NAV2: variants seen among roughly 807,000 people sequenced by gnomAD.
NAV2 encodes the protein helicase, APC down-regulated 1.
Under a neutral mutation model 223.2 loss-of-function variants are expected in NAV2, and 54 were observed. The ratio of observed to expected loss-of-function variants is 0.24; its 90% confidence interval spans 0.19 to 0.30. The LOEUF (loss-of-function observed/expected upper bound fraction) is 0.30. Among genes scored for constraint, NAV2 ranks in the 10% least tolerant of loss-of-function variants. The pLI, the probability that NAV2 is intolerant of heterozygous loss-of-function variation, is 1.00. For synonymous variants in NAV2, 1,279 were observed against 1,239.3 expected, an observed-to-expected ratio of 1.03 and a Z score of -0.67; for missense variants, 2,806 against 3,147.5, an observed-to-expected ratio of 0.89 and a Z score of 2.60.
chr11:19,606,394 C>G (rs979334224), intron 1 of NAV2, among the ~76,000 whole-genome samples: 2 of 152,214 alleles, frequency 1.3e-5, no homozygotes, highest in Admixed American at 1.3e-4. Flanking sequence ...GAGGTGTCAG[C>G]TTGCCCCAGG....
intron 10 of NAV2, among the ~76,000 whole-genome samples, chr11:19,963,140 A>C (rs1405606128): frequency 6.6e-6 from 1 of 152,222 alleles, no homozygotes; most frequent in Non-Finnish European, 1.5e-5. Context: ...GTGGCACTGT[A>C]ATTCATAGTC....
Position 19,933,069 on chromosome 11 carries a change from G to C in NAV2, c.932-107G>C. ...CACAAAGTGGGCAATGGAGCTATAC[G>C]GCATTTGGGTTGGGAGTGATTGGTT... On this transcript the variant is annotated intron_variant, in intron 6 of 37. Transcript: ENST00000349880. This position sits in a 1 kb window ranked among gnomAD's most constrained non-coding sequence, Gnocchi z 4.3. 2.3e-6 allele frequency: 3 copies of C among 1,322,178 alleles called. No individual in the cohort carries two copies. Among genetic ancestry groups the C allele is most frequent in the Non-Finnish European group, 3.0e-6 (3 of 996,728 alleles). 81.9% of individuals were successfully genotyped at this position (1,322,178 alleles called of 1,614,324 possible).
At chr11:19,820,662 T>G (rs1044979002) in intron 1 of NAV2, among the ~76,000 whole-genome samples, 1 of 152,232 alleles carries the variant, frequency 6.6e-6, no homozygotes, top group African/African-American at 2.4e-5. Context: ...TTATTAGCTA[T>G]GTGATCCTGT....
intron 12 of NAV2, among the ~76,000 whole-genome samples, chr11:20,038,978 G>A (rs1007040059): frequency 2.6e-5 from 4 of 152,180 alleles, no homozygotes; most frequent in African/African-American, 9.7e-5. Context: ...CTATCACTGG[G>A]GACATTGAGG....
chr11:19,811,800 G>A (rs78980230), intron 1 of NAV2, among the ~76,000 whole-genome samples: 3,650 of 152,216 alleles, frequency 0.024, 151 homozygotes, highest in African/African-American at 0.083. Flanking sequence ...TTTTTATCTG[G>A]ATTCTAGGGG....
intron 1 of NAV2, among the ~76,000 whole-genome samples, chr11:19,634,907 A>G (rs975112540): frequency 6.6e-6 from 1 of 152,212 alleles, no homozygotes; most frequent in Non-Finnish European, 1.5e-5. Flanking sequence ...TAGAAGAGAT[A>G]GTATAGCTTG....
rs1362962744 is a variant in NAV2 at position 20,119,747 on chromosome 11, T to C, written c.*1489T>C. 1 of 152,496 alleles carries C rather than the reference T, an allele frequency of 6.6e-6. No homozygotes were observed. The highest frequency in any genetic ancestry group is 1.5e-5 in the Non-Finnish European group (1 of 68,032). The allele number at this position is 152,496 out of a possible 1,614,324, so 9.4% of individuals were successfully genotyped here. A position where few individuals can be genotyped will look rare whatever the true frequency, so the allele number is the denominator to read the frequency against. ...CAGGGCTAAAAAGTCATCTGTTCAT[T>C]AGGAGAACTCAAGTTGCTGTGACTT... On this transcript the variant is annotated 3_prime_UTR_variant, in exon 38 of 38. Coordinates refer to ENST00000349880, the MANE Select transcript of NAV2 (RefSeq NM_145117.5).
At chr11:19,367,600 ATC>A (rs1041324447) in intron 1 of NAV2, among the ~76,000 whole-genome samples, 1 of 152,166 alleles carries the variant, frequency 6.6e-6, no homozygotes. Flanking sequence ...CCTCCCACCC[ATC>A]TGCTCTTGGA....
chr11:19,403,230 A>G (rs977202434), intron 1 of NAV2, among the ~76,000 whole-genome samples: 1 of 152,214 alleles, frequency 6.6e-6, no homozygotes, highest in East Asian at 1.9e-4. Flanking sequence ...TGAAGTATCT[A>G]CCGTGTGCCA....
intron 1 of NAV2, among the ~76,000 whole-genome samples, chr11:19,582,692 T>A (rs1369456157): frequency 1.3e-5 from 2 of 152,262 alleles, no homozygotes; most frequent in Admixed American, 1.3e-4. Context: ...GTGGCATTAT[T>A]TCTGAGGGCT....
At position 19,868,682 on chromosome 11, in the gene NAV2, C is replaced by G. The variant is rs79437988; in HGVS notation, c.439-243C>G. On this transcript the variant is annotated intron_variant, in intron 3 of 37. Transcript: ENST00000349880. ...GTGACAGTGATCAAGATGAGAGCTC[C>G]CATTCCACCCTGGTTATTTTTGGCG... Among the ~76,000 whole-genome samples the G allele has an allele frequency of 8.9e-3, 1,360 of 152,248 alleles. 17 individuals are homozygous for G. Among genetic ancestry groups the G allele is most frequent in the African/African-American group, 0.031 (1,300 of 41,540 alleles).
At chr11:19,693,922 T>C (rs146822001) in intron 1 of NAV2, among the ~76,000 whole-genome samples, 126 of 152,320 alleles carry the variant, frequency 8.3e-4, no homozygotes, top group African/African-American at 3.0e-3. Context: ...GGCCGATGTA[T>C]AGGAAATCAC....
intron 1 of NAV2, among the ~76,000 whole-genome samples, chr11:19,691,725 C>T (rs886918196): frequency 4.6e-5 from 7 of 152,178 alleles, no homozygotes; most frequent in Non-Finnish European, 8.8e-5. Context: ...GCATGCTCTT[C>T]CCACTGAAGA....
intron 10 of NAV2, among the ~76,000 whole-genome samples, chr11:19,954,165 G>A (rs1185475719): frequency 6.6e-6 from 1 of 152,054 alleles, no homozygotes; most frequent in African/African-American, 2.4e-5. Flanking sequence ...TCATTGTGTT[G>A]GTTTAAAGCT....
At chr11:19,348,320 C>T (rs961350560), upstream of NAV2, among the ~76,000 whole-genome samples, 7 of 152,046 alleles carry the variant, frequency 4.6e-5, no homozygotes, top group African/African-American at 7.2e-5. Context: ...TTTTTGGCAC[C>T]GGACTTTTTT....
At chr11:19,888,829 G>A (rs1379205186) in intron 5 of NAV2, among the ~76,000 whole-genome samples, 1 of 152,068 alleles carries the variant, frequency 6.6e-6, no homozygotes, top group African/African-American at 2.4e-5. Flanking sequence ...CATTCAGCGT[G>A]CCAGACTTGC....
chr11:19,538,288 G>A (rs2044244505), intron 1 of NAV2, among the ~76,000 whole-genome samples: 1 of 152,132 alleles, frequency 6.6e-6, no homozygotes, highest in Admixed American at 6.6e-5. Context: ...TCTTCCCTGA[G>A]CTGTGAATCT....
intron 5 of NAV2, among the ~76,000 whole-genome samples, chr11:19,889,514 G>T (rs2041310150): frequency 6.6e-6 from 1 of 152,154 alleles, no homozygotes; most frequent in Non-Finnish European, 1.5e-5. Context: ...CTTTTTGGTG[G>T]CTTTTGACGG....
chr11:19,732,401 G>C (rs2051876742), intron 1 of NAV2, among the ~76,000 whole-genome samples: 1 of 152,210 alleles, frequency 6.6e-6, no homozygotes, highest in East Asian at 1.9e-4. Flanking sequence ...CACAGGCATG[G>C]TTAAAAGGAT....
Sources: gnomAD v4.1 joint callset for allele counts (sites outside exome capture counted in the v4.1 genomes callset) on GRCh38, gnomAD v4.1.1 for gene constraint, Gnocchi (gnomAD v3.1) non-coding constraint, MANE v1.5 for transcripts, NCBI Gene and HGNC (gene_info 2026-07-23, HGNC 2026-07-21) for gene names.